Variants in SULF1 observed in about 807,000 individuals in gnomAD.
SULF1 encodes the protein extracellular sulfatase Sulf-1.
In SULF1, 46 loss-of-function variants were observed where a neutral mutation model predicts 110.5. The ratio of observed to expected loss-of-function variants is 0.42; its 90% CI spans 0.33 to 0.53. The LOEUF (loss-of-function observed/expected upper bound fraction) is 0.53, where lower values mean the gene tolerates loss of function less well. Ranked by LOEUF, SULF1 falls within the 20% of genes least tolerant of loss-of-function variation. The pLI, the probability that SULF1 is intolerant of heterozygous loss-of-function variation, is 0.12. For missense variants in SULF1, 941 were observed against 1,094.2 expected (o/e 0.86, Z 1.98); for synonymous variants, 371 against 387.1 (o/e 0.96, Z 0.49).
Position 69,612,388 on chromosome 8 carries a change from G to A in SULF1, c.1377+7456G>A, listed in dbSNP as rs1050325490. ...TACCCAGTAGTAGGATTGCTGGATC[G>A]AATGGCGGTTCCATTCTTAGTTCTT... On this transcript the variant is annotated intron_variant, in intron 13 of 22. Transcript: ENST00000402687. Among the ~76,000 whole-genome samples, 4 of 152,084 alleles carry A rather than the reference G, an allele frequency of 2.6e-5. No individual in the cohort carries two copies. The East Asian group carries it at 5.8e-4, about 22-fold the overall frequency.
intron 13 of SULF1, among the ~76,000 whole-genome samples, chr8:69,607,893 T>A (rs1808352346): frequency 6.6e-6 from 1 of 152,176 alleles, no homozygotes; most frequent in South Asian, 2.1e-4. Context: ...GCGCCCTGCT[T>A]CCGTTCCTCT....
intron 1 of SULF1, among the ~76,000 whole-genome samples, chr8:69,483,498 G>A (rs772101240): frequency 2.2e-4 from 33 of 152,250 alleles, no homozygotes; most frequent in Middle Eastern, 3.4e-3. Flanking sequence ...GAGAATACTG[G>A]AAAGAGCACT....
At chr8:69,510,465 G>T (rs1285912573) in intron 3 of SULF1, among the ~76,000 whole-genome samples, 1 of 152,184 alleles carries the variant, frequency 6.6e-6, no homozygotes, top group Admixed American at 6.5e-5. Flanking sequence ...AAGATTAGAT[G>T]ATTTCAAATG....
At chr8:69,552,603 T>G (rs775652843) in intron 3 of SULF1, among the ~76,000 whole-genome samples, 6 of 152,244 alleles carry the variant, frequency 3.9e-5, no homozygotes, top group Non-Finnish European at 7.3e-5. Flanking sequence ...TTGAGCCAGA[T>G]GGGCATTAAA....
chr8:69,588,835 G>T, intron 7 of SULF1, 137 bp from the exon 8 acceptor site: 1 of 707,300 alleles, frequency 1.4e-6, no homozygotes, highest in Non-Finnish European at 2.3e-6. Context: ...GCTGCCTTGG[G>T]AGGTGCAGCC....
intron 5 of SULF1, among the ~76,000 whole-genome samples, chr8:69,568,010 T>C (rs1261744009): frequency 6.6e-6 from 1 of 152,218 alleles, no homozygotes; most frequent in East Asian, 1.9e-4. Context: ...TATTTTCTGG[T>C]TTTGTTTTTA....
At chr8:69,630,072 A>G (rs1201612559) in intron 19 of SULF1, among the ~76,000 whole-genome samples, 1 of 152,212 alleles carries the variant, frequency 6.6e-6, no homozygotes, top group African/African-American at 2.4e-5. Context: ...CATAAGTGTA[A>G]TAAAAGGAAG....
In SULF1 at chr8:69,601,676, C is replaced by T. The variant is rs1428597089; in HGVS notation, c.908C>T (p.Thr303Met). 1.1e-5 allele frequency: 18 copies of T among 1,610,592 alleles called. No homozygotes were observed. The highest frequency in any genetic ancestry group is 4.5e-5 in the East Asian group (2 of 44,738). ...VERLYNMLVE[T>M]GELENTYIIY... ...CAGCTGTATAACATGCTCGTGGAGACGGGGGAGCTGGAGAATACTTACATC... is the reference window on the plus strand; with the variant it reads ...CAGCTGTATAACATGCTCGTGGAGATGGGGGAGCTGGAGAATACTTACATC... Residue 303 changes from threonine (T) to methionine (M), a missense_variant, in exon 10 of 23, where the codon ACG becomes ATG. Physicochemically the swap from Thr to Met is moderately conservative, Grantham distance 81. Around this residue, in one of 3 missense-constraint regions of SULF1, gnomAD observed 822 missense variants for 934.3 expected, o/e 0.88. Transcript: ENST00000402687.
At chr8:69,605,392 G>C (rs1343943994) in intron 13 of SULF1, among the ~76,000 whole-genome samples, 1 of 152,176 alleles carries the variant, frequency 6.6e-6, no homozygotes, top group African/African-American at 2.4e-5. Context: ...CTGTGACCAA[G>C]CTTGAGGAAT....
At chr8:69,560,269 G>C (rs1165760381) in intron 3 of SULF1, among the ~76,000 whole-genome samples, 1 of 152,078 alleles carries the variant, frequency 6.6e-6, no homozygotes, top group Non-Finnish European at 1.5e-5. Context: ...CTTCAGTTTA[G>C]ATTGGGGTAT....
chr8:69,601,358 A>G lies in SULF1; in HGVS notation c.886-296A>G, dbSNP rs572704300. Among the ~76,000 whole-genome samples the G allele has an allele frequency of 1.3e-4, 20 of 152,190 alleles. No homozygotes were observed. The South Asian group carries it at 4.1e-3, about 32-fold the overall frequency. ...ATGGATTTTCAAAGTACAACCTATAAAGTTTGATGGTAGAGGTTGTTGTGC... is the reference window on the plus strand; with the variant it reads ...ATGGATTTTCAAAGTACAACCTATAGAGTTTGATGGTAGAGGTTGTTGTGC... On this transcript the variant is annotated intron_variant, in intron 9 of 22. Coordinates refer to ENST00000402687, the MANE Select transcript of SULF1 (RefSeq NM_001128205.2).
intron 19 of SULF1, chr8:69,637,890 A>G (rs1380337923): frequency 1.3e-5 from 2 of 152,592 alleles, no homozygotes; most frequent in Non-Finnish European, 2.9e-5. Flanking sequence ...TAAATGGGAC[A>G]TCTCTTCTGC....
At position 69,639,873 on chromosome 8, in the gene SULF1, G is replaced by A. The variant is rs561188501; in HGVS notation, c.2552-935G>A. ...CCACTGCAGGGTCACAAAGGCTTTT[G>A]AGTTCTGGGAGTCCCCTAAGAAAAT... On this transcript the variant is annotated intron_variant, in intron 21 of 22. Coordinates refer to ENST00000402687, the MANE Select transcript of SULF1 (RefSeq NM_001128205.2). Among the ~76,000 whole-genome samples, 115 of 152,288 alleles carry A rather than the reference G, an allele frequency of 7.6e-4. No individual in the cohort carries two copies. In the Middle Eastern group the frequency reaches 0.02, roughly 27 times the overall value.
intron 13 of SULF1, among the ~76,000 whole-genome samples, chr8:69,612,246 G>T (rs1808718104): frequency 2.6e-5 from 4 of 152,046 alleles, no homozygotes. Context: ...TTATGCACTT[G>T]TTGGTTGATG....
intron 8 of SULF1, among the ~76,000 whole-genome samples, chr8:69,590,258 T>C (rs1423999575): frequency 6.6e-6 from 1 of 152,048 alleles, no homozygotes; most frequent in African/African-American, 2.4e-5. Flanking sequence ...GCCTCCTGGG[T>C]TCAAACAATT....
upstream of SULF1, among the ~76,000 whole-genome samples, chr8:69,489,873 G>A (rs1308801835): frequency 2.6e-5 from 4 of 151,882 alleles, no homozygotes; most frequent in Non-Finnish European, 5.9e-5. Flanking sequence ...GAATACTGTC[G>A]GGACACACAC....
chr8:69,522,881 AG>A (rs1397968544), intron 3 of SULF1, among the ~76,000 whole-genome samples: 1 of 152,194 alleles, frequency 6.6e-6, no homozygotes, highest in Non-Finnish European at 1.5e-5. Flanking sequence ...AGAGAGAGAA[AG>A]CCTGATTATT....
At chr8:69,617,450 G>C (rs1174127547) in intron 13 of SULF1, among the ~76,000 whole-genome samples, 1 of 67,560 alleles carries the variant, frequency 1.5e-5, no homozygotes, top group Admixed American at 1.8e-4. Flanking sequence ...TTTTTTTTTT[G>C]GAGAGACAGG....
At chr8:69,603,035 AC>A (rs1807953709) in intron 10 of SULF1, among the ~76,000 whole-genome samples, 156 bp from the exon 11 acceptor site, 1 of 152,118 alleles carries the variant, frequency 6.6e-6, no homozygotes, top group South Asian at 2.1e-4. Context: ...CTGTGATCAC[AC>A]ACCCACCCTT....
Sources: allele counts gnomAD v4.1 joint callset (sites outside exome capture counted in the v4.1 genomes callset), GRCh38; gene constraint gnomAD v4.1.1; regional missense constraint gnomAD v4.1.1; transcripts MANE v1.5; gene names NCBI Gene and HGNC (gene_info 2026-07-23, HGNC 2026-07-21).